CYP27C1: variants seen among roughly 807,000 people sequenced by gnomAD.
CYP27C1 encodes the protein cytochrome P450 family 27 subfamily C member 1.
CYP27C1 carries 29 observed loss-of-function variants against 40.6 expected under a neutral mutation model. The ratio of observed to expected loss-of-function variants is 0.71; its 90% confidence interval spans 0.53 to 0.97. The LOEUF (loss-of-function observed/expected upper bound fraction) is 0.97. CYP27C1 is among the 50% of genes least tolerant of loss of function. CYP27C1 has a pLI of 0.00. For synonymous variants in CYP27C1, 198 were observed against 186.8 expected, an observed-to-expected ratio of 1.06 and a Z score of -0.49; for missense variants, 390 against 485.8, an observed-to-expected ratio of 0.80 and a Z score of 1.85.
chr2:127,196,080 T>C lies in CYP27C1; in HGVS notation c.1048-579A>G, dbSNP rs563967348. 0.088 allele frequency among the ~76,000 whole-genome samples: 11,415 copies of C among 129,582 alleles called. 551 individuals carry two copies. The highest frequency in any genetic ancestry group is 0.16 in the African/African-American group (5,675 of 34,964). The allele number at this position is 129,582 out of a possible 152,430, so 85.0% of individuals were successfully genotyped here. A position where few individuals can be genotyped will look rare whatever the true frequency, so the allele number is the denominator to read the frequency against. ...AAAGCAGTGTCTTTTTTTTTTTTTT[T>C]GAGACGGAGTCTCGCTCTGTCGCCC... On this transcript the variant is annotated intron_variant, in intron 5 of 8. Coordinates refer to ENST00000664447, the MANE Select transcript of CYP27C1 (RefSeq NM_001367502.1). The surrounding 1 kb of genome is among the most constrained non-coding windows in gnomAD (Gnocchi z 4.5).
At chr2:127,210,699 A>G (rs1558933591) in intron 1 of CYP27C1, among the ~76,000 whole-genome samples, 1 of 152,148 alleles carries the variant, frequency 6.6e-6, no homozygotes, top group Non-Finnish European at 1.5e-5. Flanking sequence ...AAAAAAAAAA[A>G]AGCAGGGGTT....
intron 6 of CYP27C1, among the ~76,000 whole-genome samples, chr2:127,194,768 T>C (rs958117493): frequency 1.3e-5 from 2 of 152,182 alleles, no homozygotes; most frequent in Admixed American, 1.3e-4. Flanking sequence ...CCCAGGAACA[T>C]TTTGGGAAAC....
At chr2:127,193,992 T>C in intron 6 of CYP27C1, 125 bp from the exon 7 acceptor site, 2 of 1,074,964 alleles carry the variant, frequency 1.9e-6, no homozygotes, top group Non-Finnish European at 2.7e-6. Context: ...CATGGTACAT[T>C]TTCAACTGAA....
At chr2:127,199,114 C>T (rs1005169092) in intron 5 of CYP27C1, among the ~76,000 whole-genome samples, 8 of 152,152 alleles carry the variant, frequency 5.3e-5, no homozygotes, top group African/African-American at 9.7e-5. Flanking sequence ...GTGAAACCCC[C>T]GTTGCTACTA....
intron 8 of CYP27C1, 89 bp downstream of exon 8, chr2:127,193,004 CT>C: frequency 6.6e-7 from 1 of 1,506,472 alleles, no homozygotes; most frequent in Admixed American, 2.0e-5. Context: ...CCAAAACCGT[CT>C]TTGCTTTTCA....
chr2:127,212,919 C>T (rs951719832), intron 1 of CYP27C1, among the ~76,000 whole-genome samples: 1 of 152,158 alleles, frequency 6.6e-6, no homozygotes, highest in Admixed American at 6.5e-5. Flanking sequence ...TAGAAAACCC[C>T]ATCATCTCAG....
At chr2:127,193,984 T>C (rs1682847090) in intron 6 of CYP27C1, 117 bp from the exon 7 acceptor site, 2 of 1,154,660 alleles carry the variant, frequency 1.7e-6, no homozygotes, top group Non-Finnish European at 1.2e-6. Context: ...AAGTAACACA[T>C]GGTACATTTT....
Position 127,186,369 on chromosome 2 carries a change from C to CATTTTATTTTATTTTATTTTATTTT in CYP27C1, c.*877_*901dup, listed in dbSNP as rs71393842. 4 of 142,726 alleles carry CATTTTATTTTATTTTATTTTATTTT rather than the reference C, an allele frequency of 2.8e-5. No homozygotes were observed. The highest frequency in any genetic ancestry group is 6.1e-5 in the Non-Finnish European group (4 of 65,502). The allele number at this position is 142,726 out of a possible 1,614,324, so 8.8% of individuals were successfully genotyped here. ...GGAGAGAAAAGTATTCTTATACAGC[C>CATTTTATTTTATTTTATTTTATTTT]ATTTTATTTTATTTTATTTTATTTT... On this transcript the variant is annotated 3_prime_UTR_variant, in exon 9 of 9. Transcript: ENST00000664447. This position sits in a 1 kb window ranked among gnomAD's most constrained non-coding sequence, Gnocchi z 4.5.
chr2:127,199,736 A>C (rs1682989006), intron 4 of CYP27C1, among the ~76,000 whole-genome samples, 197 bp from the exon 5 acceptor site: 1 of 152,374 alleles, frequency 6.6e-6, no homozygotes, highest in Admixed American at 6.5e-5. Context: ...AAGTTAAAAG[A>C]CAAGCTAAAC....
intron 6 of CYP27C1, among the ~76,000 whole-genome samples, chr2:127,194,510 C>T (rs1274161355): frequency 6.6e-6 from 1 of 152,110 alleles, no homozygotes; most frequent in Non-Finnish European, 1.5e-5. Flanking sequence ...AATCCCACCT[C>T]CTACCCAAAC....
intron 1 of CYP27C1, among the ~76,000 whole-genome samples, chr2:127,214,508 T>C (rs1683390477): frequency 6.6e-6 from 1 of 152,198 alleles, no homozygotes; most frequent in African/African-American, 2.4e-5. Flanking sequence ...AATGAGATCA[T>C]GTCCTTTGCA....
chr2:127,217,607 G>C (rs1683457807), intron 1 of CYP27C1, among the ~76,000 whole-genome samples: 1 of 152,196 alleles, frequency 6.6e-6, no homozygotes, highest in African/African-American at 2.4e-5. Flanking sequence ...CGGCCATCCT[G>C]CTGCTCTACC....
At chr2:127,205,639 T>C in intron 2 of CYP27C1, 1 of 981,546 alleles carries the variant, frequency 1.0e-6, no homozygotes, top group Non-Finnish European at 1.2e-6. Flanking sequence ...AAAGCCCTGC[T>C]TCCGAAGCGC....
rs1682612550 is a variant in CYP27C1, at chr2:127,185,803, AG to A, written c.*1467del. The stretch of plus-strand genomic sequence containing the variant: ...AGAAGGATTATGTAAAAGGAATTAC[AG>A]AATTGGGAATAAGCTGTTTCAGGCA... On this transcript the variant is annotated 3_prime_UTR_variant, in exon 9 of 9. Transcript: ENST00000664447. The surrounding 1 kb of genome is among the most constrained non-coding windows in gnomAD (Gnocchi z 4.9). 6.6e-6 allele frequency: 1 copy of A among 152,242 alleles called. No homozygotes were observed. Among genetic ancestry groups the A allele is most frequent in the Non-Finnish European group, 1.5e-5 (1 of 68,042 alleles). 9.4% of individuals were successfully genotyped at this position (152,242 alleles called of 1,614,324 possible).
chr2:127,192,943 TG>T, intron 8 of CYP27C1, 150 bp downstream of exon 8: 1 of 1,000,122 alleles, frequency 1.0e-6, no homozygotes, highest in Non-Finnish European at 1.4e-6. Context: ...CCTGAGTAGC[TG>T]GGACCACAGG....
At chr2:127,203,622 G>A in intron 2 of CYP27C1, 51 bp from the exon 3 acceptor site, 1 of 1,554,768 alleles carries the variant, frequency 6.4e-7, no homozygotes, top group Non-Finnish European at 8.7e-7. Context: ...TGACATTCTG[G>A]GAAAGAATTC....
intron 1 of CYP27C1, among the ~76,000 whole-genome samples, chr2:127,214,741 A>G (rs1053469701): frequency 1.4e-5 from 2 of 145,170 alleles, no homozygotes; most frequent in South Asian, 2.2e-4. Context: ...ACGTACACCT[A>G]TGTAACAAAC....
In CYP27C1 at chr2:127,204,526, A is replaced by AG. The variant is rs1558931219; in HGVS notation, c.474-956_474-955insC. On this transcript the variant is annotated intron_variant, in intron 2 of 8. Coordinates refer to ENST00000664447, the MANE Select transcript of CYP27C1 (RefSeq NM_001367502.1). ...GAAGGAAAGAAAGAAGGAAAGAAAG[A>AG]AAGAAAGAAAGAGAGAGAGAGAGAG... Among the ~76,000 whole-genome samples the AG allele has an allele frequency of 4.6e-4, 20 of 43,156 alleles. 1 individual carries two copies. In the East Asian group the frequency reaches 4.8e-3, roughly 10 times the overall value. 28.3% of individuals were successfully genotyped at this position (43,156 alleles called of 152,430 possible). A position where few individuals can be genotyped will look rare whatever the true frequency, so the allele number is the denominator to read the frequency against.
At chr2:127,202,976 T>A (rs141827166) in intron 3 of CYP27C1, among the ~76,000 whole-genome samples, 64 of 152,004 alleles carry the variant, frequency 4.2e-4, no homozygotes, top group Admixed American at 9.8e-4. Flanking sequence ...AGACCAGCCT[T>A]GCCAACATGG....
Sources: gnomAD v4.1 joint callset for allele counts (sites outside exome capture counted in the v4.1 genomes callset) on GRCh38, gnomAD v4.1.1 for gene constraint, Gnocchi (gnomAD v3.1) non-coding constraint, MANE v1.5 for transcripts, NCBI Gene and HGNC (gene_info 2026-07-23, HGNC 2026-07-21) for gene names.